Variants in EPS8L1 observed in about 807,000 individuals in gnomAD.
EPS8L1 encodes the protein epidermal growth factor receptor kinase substrate 8-like protein 1.
A neutral mutation model predicts 91.7 loss-of-function variants in EPS8L1; 101 were observed. That is an observed-to-expected ratio of 1.10 (90% CI 0.94 to 1.30). EPS8L1 has a LOEUF of 1.30. EPS8L1 is among the 50% of genes most tolerant of loss of function. The probability of loss-of-function intolerance (pLI) is 0.00; values close to 1 mark genes in which losing one functional copy is unlikely to be tolerated. For synonymous variants in EPS8L1, 506 were observed against 445.3 expected (o/e 1.14, Z -1.72); for missense variants, 1,114 against 1,017.0 (o/e 1.10, Z -1.30).
rs1232152997 is a variant in EPS8L1 at position 55,087,379 on chromosome 19, C to T, written c.2029C>T (p.Pro677Ser). 2 of 1,613,238 alleles carry T rather than the reference C, an allele frequency of 1.2e-6. No individual in the cohort carries two copies. The highest frequency in any genetic ancestry group is 1.7e-6 in the Non-Finnish European group (2 of 1,179,606). Residue 677 changes from proline to serine, a missense_variant, in exon 19 of 20, where the codon CCC becomes TCC. Transcript: ENST00000201647. ...LQKEELRAVSPEEGARVYSQV... is the reference protein window; with the variant it reads ...LQKEELRAVSSEEGARVYSQV... Reference sequence around the variant, plus strand: ...GAAGGAGGAGCTGCGGGCGGTGAGCCCCGAGGAGGGGGCACGTGTGTACAG... The same window carrying T: ...GAAGGAGGAGCTGCGGGCGGTGAGCTCCGAGGAGGGGGCACGTGTGTACAG...
At chr19:55,080,333 C>T in intron 6 of EPS8L1, 55 bp downstream of exon 6, 1 of 1,541,168 alleles carries the variant, frequency 6.5e-7, no homozygotes, top group Admixed American at 2.0e-5. Flanking sequence ...GAGCCTGGAG[C>T]CGGGGCGGAA....
intron 14 of EPS8L1, 45 bp from the exon 15 acceptor site, chr19:55,085,796 G>A (rs2076346228): frequency 2.0e-5 from 31 of 1,588,742 alleles, no homozygotes; most frequent in Non-Finnish European, 2.5e-5. Context: ...CCAGAGCAAT[G>A]GGGCTGGCTG....
intron 4 of EPS8L1, 126 bp downstream of exon 4, chr19:55,079,183 T>C (rs911344580): frequency 9.1e-6 from 9 of 985,652 alleles, no homozygotes; most frequent in African/African-American, 4.8e-5. Flanking sequence ...TGCCCATCCA[T>C]AAAATGGACC....
At chr19:55,084,048 G>T in intron 14 of EPS8L1, 1 of 410,456 alleles carries the variant, frequency 2.4e-6, no homozygotes, top group Non-Finnish European at 4.4e-6. Context: ...GGGAGAGGCT[G>T]GGGAATTGGA....
chr19:55,079,783 G>T lies in EPS8L1; in HGVS notation c.211G>T (p.Val71Phe). The change falls in exon 5 of 20, where the codon GTC (valine) becomes TTC (phenylalanine). Residue 71 changes from valine (V) to phenylalanine (F), a missense_variant. By Grantham distance (50) the Val-to-Phe change is conservative. Coordinates refer to ENST00000201647, the MANE Select transcript of EPS8L1 (RefSeq NM_133180.3). ...KLAVMDSQGRVWAQEMLLRVS... is the reference protein window; with the variant it reads ...KLAVMDSQGRFWAQEMLLRVS... ...GGCCGTCATGGATAGCCAGGGCCGAGTCTGGGCACAGGAGATGCTGCTGCG... is the reference window on the plus strand; with the variant it reads ...GGCCGTCATGGATAGCCAGGGCCGATTCTGGGCACAGGAGATGCTGCTGCG... 1 of 1,614,144 alleles carries T rather than the reference G, an allele frequency of 6.2e-7. No individual in the cohort carries two copies. The highest frequency in any genetic ancestry group is 2.2e-5 in the East Asian group (1 of 44,868).
chr19:55,083,552 G>C lies in EPS8L1; in HGVS notation c.1356+33G>C, dbSNP rs1290805204. On this transcript the variant is annotated intron_variant, in intron 13 of 19. Transcript: ENST00000201647. This position sits in a 1 kb window ranked among gnomAD's most constrained non-coding sequence, Gnocchi z 4.7. ...AAGCGACACAGCAGGGCCGAGGCTG[G>C]GAAGTCCGGGGGCGCGGCCGGTCCG... is the stretch of plus-strand genomic sequence containing the variant. The C allele has an allele frequency of 6.2e-6, 10 of 1,601,612 alleles. No individual in the cohort carries two copies. Among genetic ancestry groups the C allele is most frequent in the Non-Finnish European group, 6.0e-6 (7 of 1,174,246 alleles).
At chr19:55,079,974 C>T in intron 5 of EPS8L1, 123 bp downstream of exon 5, 1 of 1,446,072 alleles carries the variant, frequency 6.9e-7, no homozygotes. Context: ...CAGCCCCCTT[C>T]TTGAGCCTTA....
chr19:55,086,189 C>A lies in EPS8L1; in HGVS notation c.1647C>A (p.Ser549Arg). The A allele has an allele frequency of 6.3e-7, 1 of 1,594,626 alleles. No homozygotes were observed. The highest frequency in any genetic ancestry group is 8.5e-7 in the Non-Finnish European group (1 of 1,170,098). Residue 549 changes from serine to arginine, a missense_variant, in exon 16 of 20, where the codon AGC becomes AGA. Coordinates refer to ENST00000201647, the MANE Select transcript of EPS8L1 (RefSeq NM_133180.3). ...ACCACAGCCAAAGCCCTGCCCGCAG[C>A]CTGGTGAGCCAGCGCAGACGCTGGG... ...RLHHSQSPAR[S>R]LNSTPPPPPA...
chr19:55,082,572 C>T lies in EPS8L1; in HGVS notation c.1184C>T (p.Thr395Ile). Residue 395 changes from threonine to isoleucine, a missense_variant, in exon 12 of 20, where the codon ACC (threonine) becomes ATC (isoleucine). Physicochemically the swap from Thr to Ile is moderately conservative, Grantham distance 89 (BLOSUM62 -1). Transcript: ENST00000201647. ...NVTPRENELW[T>I]SLGDSWTRPG... ...ACTCCACGTGAAAACGAGCTCTGGACCTCGCTGGGGGACTCGTGGACCCGC... is the reference window on the plus strand; with the variant it reads ...ACTCCACGTGAAAACGAGCTCTGGATCTCGCTGGGGGACTCGTGGACCCGC... 3 of 1,580,642 alleles carry T rather than the reference C, an allele frequency of 1.9e-6. No individual in the cohort carries two copies. The highest frequency in any genetic ancestry group is 1.7e-4 in the Middle Eastern group (1 of 5,822).
chr19:55,080,230 C>A lies in EPS8L1; in HGVS notation c.381C>A (p.Pro127=). 4 of 1,537,564 alleles carry A rather than the reference C, an allele frequency of 2.6e-6. No homozygotes were observed. Among genetic ancestry groups the A allele is most frequent in the Non-Finnish European group, 3.5e-6 (4 of 1,137,368 alleles). The change falls in exon 6 of 20, where the codon CCC becomes CCA. Residue 127 remains proline (P), a synonymous_variant. Coordinates refer to ENST00000201647, the MANE Select transcript of EPS8L1 (RefSeq NM_133180.3). ...RSLLLLVCQE[P]ERAQPDVHFF... ...TGCTGCTGCTCGTGTGCCAGGAACC[C>A]GAGCGCGCGCAGCCCGACGTGCACT... is the stretch of plus-strand genomic sequence containing the variant.
rs1307814199 is a variant in EPS8L1, at chr19:55,083,553, G to A, written c.1356+34G>A. On this transcript the variant is annotated intron_variant, in intron 13 of 19. Transcript: ENST00000201647. This position sits in a 1 kb window ranked among gnomAD's most constrained non-coding sequence, Gnocchi z 4.7. ...AGCGACACAGCAGGGCCGAGGCTGG[G>A]AAGTCCGGGGGCGCGGCCGGTCCGC... 1.2e-6 allele frequency: 2 copies of A among 1,601,810 alleles called. No homozygotes were observed. The highest frequency in any genetic ancestry group is 1.7e-6 in the Non-Finnish European group (2 of 1,174,288).
intron 6 of EPS8L1, 167 bp from the exon 7 acceptor site, chr19:55,080,605 A>T: frequency 1.3e-6 from 2 of 1,590,468 alleles, no homozygotes; most frequent in Non-Finnish European, 1.7e-6. Context: ...GGGCAGGGAC[A>T]GGTGTAGGGC....
Position 55,081,586 on chromosome 19 carries a change from T to C in EPS8L1, c.774+94T>C. On this transcript the variant is annotated intron_variant, in intron 8 of 19. Coordinates refer to ENST00000201647, the MANE Select transcript of EPS8L1 (RefSeq NM_133180.3). The surrounding 1 kb of genome is among the most constrained non-coding windows in gnomAD (Gnocchi z 4.9). ...GCGGGGCCGGCTGCGGGACGGGCGT[T>C]CTCTGGTCAGACTTCTGCGTTATGG... The C allele has an allele frequency of 1.1e-5, 13 of 1,139,498 alleles. No individual in the cohort carries two copies. The highest frequency in any genetic ancestry group is 3.9e-4 in the Middle Eastern group (1 of 2,558). 70.6% of individuals were successfully genotyped at this position (1,139,498 alleles called of 1,614,324 possible).
At chr19:55,079,079 C>T (rs1347769942) in intron 4 of EPS8L1, 22 bp downstream of exon 4, 1 of 1,613,542 alleles carries the variant, frequency 6.2e-7, no homozygotes, top group Non-Finnish European at 8.5e-7. Flanking sequence ...GTCTGTGTTC[C>T]CCCAGGACAT....
In EPS8L1 at chr19:55,083,644, G is replaced by A; in HGVS notation, c.1385G>A (p.Gly462Asp). 6.3e-7 allele frequency: 1 copy of A among 1,594,666 alleles called. No individual in the cohort carries two copies. The highest frequency in any genetic ancestry group is 8.5e-7 in the Non-Finnish European group (1 of 1,171,138). The change falls in exon 14 of 20, where the codon GGT (glycine) becomes GAT (aspartate). Residue 462 changes from glycine to aspartate, a missense_variant and splice_region_variant. Physicochemically the swap from Gly to Asp is moderately conservative, Grantham distance 94. Transcript: ENST00000201647. The surrounding 1 kb of genome is among the most constrained non-coding windows in gnomAD (Gnocchi z 4.7). ...QQSAPQVAVN[G>D]HRDLEPESEP... is the part of the protein sequence containing the mutation. ...AGCGCCCCCCAGGTCGCTGTCAATG[G>A]GTGAGTGTCCGCCCCAGGGCAGGGC...
chr19:55,082,430 C>T, intron 11 of EPS8L1, 24 bp from the exon 12 acceptor site: 4 of 1,611,204 alleles, frequency 2.5e-6, no homozygotes, highest in Non-Finnish European at 3.4e-6. Context: ...GCGGCACAGC[C>T]TGCCCCTCCT....
chr19:55,079,599 G>C, intron 4 of EPS8L1, 91 bp from the exon 5 acceptor site: 1 of 1,466,048 alleles, frequency 6.8e-7, no homozygotes, highest in East Asian at 2.4e-5. Context: ...GGTGTGGTTA[G>C]TCTCAGGCTG....
chr19:55,087,748 T>G lies in EPS8L1; in HGVS notation c.*134T>G. On this transcript the variant is annotated 3_prime_UTR_variant, in exon 20 of 20. Coordinates refer to ENST00000201647, the MANE Select transcript of EPS8L1 (RefSeq NM_133180.3). ...CGGCCCTGGTCTTCCCCCATCCCGG[T>G]GGACAGACTTAACGATCCTTGCTGC... 2.0e-5 allele frequency: 18 copies of G among 902,292 alleles called. No individual in the cohort carries two copies. Among genetic ancestry groups the G allele is most frequent in the Non-Finnish European group, 3.2e-5 (18 of 570,616 alleles). 55.9% of individuals were successfully genotyped at this position (902,292 alleles called of 1,614,324 possible). A position where few individuals can be genotyped will look rare whatever the true frequency, so the allele number is the denominator to read the frequency against.
chr19:55,086,637 C>CCCCCCCCCCCCCCCCCGGGCCCCCCGG, intron 17 of EPS8L1, 77 bp from the exon 18 acceptor site: 1 of 1,374,366 alleles, frequency 7.3e-7, no homozygotes, highest in African/African-American at 1.4e-5. Context: ...GCTGGAGCGC[C>CCCCCCCCCCCCCCCCCGGGCCCCCCGG]CCCCCGCCCC....
Sources: gnomAD v4.1 joint callset for allele counts on GRCh38, gnomAD v4.1.1 for gene constraint, Gnocchi (gnomAD v3.1) non-coding constraint, MANE v1.5 for transcripts, NCBI Gene and HGNC (gene_info 2026-07-23, HGNC 2026-07-21) for gene names.